Variants in CLEC16A observed in about 807,000 individuals in gnomAD.
CLEC16A encodes protein CLEC16A.
In CLEC16A, 51 loss-of-function variants were observed where a neutral mutation model predicts 109.5. The observed-to-expected ratio is 0.47, with a 90% CI of 0.37 to 0.59. CLEC16A has a LOEUF of 0.59. CLEC16A is among the 20% of genes least tolerant of loss of function. The pLI, the probability that CLEC16A is intolerant of heterozygous loss-of-function variation, is 0.00. For synonymous variants in CLEC16A, 673 were observed against 564.2 expected, an observed-to-expected ratio of 1.19 and a Z score of -2.73; for missense variants, 1,339 against 1,394.0, an observed-to-expected ratio of 0.96 and a Z score of 0.63.
intron 17 of CLEC16A, 53 bp from the exon 18 acceptor site, chr16:11,051,460 C>T (rs1597211119): frequency 6.3e-7 from 1 of 1,579,184 alleles, no homozygotes; most frequent in East Asian, 2.3e-5. Context: ...CCGGCCCCTT[C>T]CTCCTTCCAA....
intron 19 of CLEC16A, among the ~76,000 whole-genome samples, chr16:11,118,457 C>A (rs1233284206): frequency 2.0e-5 from 3 of 152,164 alleles, no homozygotes; most frequent in Admixed American, 2.0e-4. Flanking sequence ...GTACAACATC[C>A]ACTGCAGGGC....
chr16:11,160,919 T>G (rs1246300393), intron 22 of CLEC16A, among the ~76,000 whole-genome samples: 5 of 152,212 alleles, frequency 3.3e-5, no homozygotes, highest in East Asian at 1.9e-4. Context: ...CCCTTTCCTT[T>G]TAAAGAGCTT....
chr16:11,147,952 C>T (rs960959601), intron 22 of CLEC16A, among the ~76,000 whole-genome samples: 1 of 152,196 alleles, frequency 6.6e-6, no homozygotes, highest in African/African-American at 2.4e-5. Context: ...CTAAAACGTG[C>T]CTTTTTTCCA....
At chr16:11,005,726 A>G (rs2044961852) in intron 11 of CLEC16A, among the ~76,000 whole-genome samples, 1 of 152,220 alleles carries the variant, frequency 6.6e-6, no homozygotes, top group Non-Finnish European at 1.5e-5. Flanking sequence ...TGTTTGGATG[A>G]AACTGCACAG....
chr16:11,032,137 C>T (rs1373140747), intron 13 of CLEC16A, among the ~76,000 whole-genome samples: 5 of 152,184 alleles, frequency 3.3e-5, no homozygotes, highest in African/African-American at 7.2e-5. Flanking sequence ...TGAGGACACC[C>T]GGGCTATGGT....
intron 13 of CLEC16A, chr16:11,027,154 GA>G: frequency 7.0e-7 from 1 of 1,435,994 alleles, no homozygotes. Context: ...CAGAAGAAAG[GA>G]AAAGGGCTCA....
rs201267158 is a variant in CLEC16A at position 10,969,252 on chromosome 16, C to T, written c.435C>T (p.Phe145=). The T allele has an allele frequency of 5.6e-6, 9 of 1,611,230 alleles. No homozygotes were observed. The highest frequency in any genetic ancestry group is 5.9e-6 in the Non-Finnish European group (7 of 1,178,456). The stretch of plus-strand genomic sequence containing the variant: ...AGATTATGGCCTATTATATATCGTT[C>T]CTGAAAACACTTTCGTTAAAACTCA... ...DEEIMAYYIS[F]LKTLSLKLNN... Residue 145 remains phenylalanine (F), a synonymous_variant, in exon 4 of 24, where the codon TTC becomes TTT. Transcript: ENST00000409790.
At chr16:11,062,452 G>A (rs1490844508) in intron 19 of CLEC16A, among the ~76,000 whole-genome samples, 1 of 152,158 alleles carries the variant, frequency 6.6e-6, no homozygotes, top group African/African-American at 2.4e-5. Flanking sequence ...TTCGTCTCCT[G>A]TAAAACGAGA....
intron 19 of CLEC16A, among the ~76,000 whole-genome samples, chr16:11,112,395 C>A (rs1156335260): frequency 1.3e-5 from 2 of 150,298 alleles, no homozygotes; most frequent in East Asian, 3.9e-4. Context: ...TGTGGTGGCT[C>A]ACACCTATAA....
intron 13 of CLEC16A, among the ~76,000 whole-genome samples, chr16:11,027,961 G>A (rs1038812970): frequency 1.3e-5 from 2 of 152,224 alleles, no homozygotes; most frequent in Admixed American, 6.5e-5. Flanking sequence ...AACACTTTGG[G>A]AGGCTGAGGT....
At chr16:11,126,533 T>C (rs2052833817) in intron 22 of CLEC16A, 1 of 696,946 alleles carries the variant, frequency 1.4e-6, no homozygotes, top group South Asian at 2.3e-5. Flanking sequence ...TACAACCCCC[T>C]GAAGAAGTGA....
chr16:11,157,844 G>A (rs902154090), intron 22 of CLEC16A, among the ~76,000 whole-genome samples: 3 of 152,090 alleles, frequency 2.0e-5, no homozygotes, highest in Non-Finnish European at 2.9e-5. Flanking sequence ...TCCTAGGGTA[G>A]CCCCCCACTG....
intron 13 of CLEC16A, among the ~76,000 whole-genome samples, chr16:11,033,651 C>T (rs1210130429): frequency 2.6e-5 from 4 of 152,130 alleles, no homozygotes; most frequent in Admixed American, 2.6e-4. Flanking sequence ...AAATCAGGTC[C>T]CAAGTGACCT....
intron 22 of CLEC16A, among the ~76,000 whole-genome samples, chr16:11,126,974 C>T (rs1003702170): frequency 6.6e-6 from 1 of 152,176 alleles, no homozygotes; most frequent in African/African-American, 2.4e-5. Flanking sequence ...AAACCCGAGT[C>T]CTGGTTCCCC....
intron 19 of CLEC16A, among the ~76,000 whole-genome samples, chr16:11,093,364 G>A (rs778577881): frequency 6.6e-6 from 1 of 152,182 alleles, no homozygotes; most frequent in African/African-American, 2.4e-5. Flanking sequence ...GTGAGTATGA[G>A]TCTAGGACTC....
At chr16:11,114,537 G>A (rs1463865308) in intron 19 of CLEC16A, among the ~76,000 whole-genome samples, 1 of 152,128 alleles carries the variant, frequency 6.6e-6, no homozygotes, top group African/African-American at 2.4e-5. Context: ...TTAGCACTCA[G>A]CATACTCCTG....
At chr16:11,125,428 A>G (rs1353122038) in intron 21 of CLEC16A, among the ~76,000 whole-genome samples, 3 of 152,142 alleles carry the variant, frequency 2.0e-5, no homozygotes, top group Non-Finnish European at 4.4e-5. Flanking sequence ...TCTTAAATTG[A>G]TTTTAAAAAG....
intron 19 of CLEC16A, among the ~76,000 whole-genome samples, chr16:11,102,232 A>C (rs2050962503): frequency 6.6e-6 from 1 of 152,214 alleles, no homozygotes; most frequent in South Asian, 2.1e-4. Context: ...TGTATTACAC[A>C]CAGCTGTGCT....
chr16:11,006,856 G>C (rs2045051649), intron 11 of CLEC16A, among the ~76,000 whole-genome samples: 1 of 150,836 alleles, frequency 6.6e-6, no homozygotes. Context: ...AATTTGCTCT[G>C]CCTCAGGTCC....
Sources: allele counts gnomAD v4.1 joint callset (sites outside exome capture counted in the v4.1 genomes callset), GRCh38; gene constraint gnomAD v4.1.1; transcripts MANE v1.5; gene names NCBI Gene and HGNC (gene_info 2026-07-23, HGNC 2026-07-21).